The following MDGA2 variants were observed in gnomAD, a reference collection of about 807,000 sequenced individuals.
MDGA2 encodes the protein MAM domain-containing glycosylphosphatidylinositol anchor protein 2.
In MDGA2, 40 loss-of-function variants were observed where a neutral mutation model predicts 117.8. That is an observed-to-expected ratio of 0.34 (90% CI 0.26 to 0.44). The LOEUF (loss-of-function observed/expected upper bound fraction) is 0.44, where lower values mean the gene tolerates loss of function less well. MDGA2 is among the 20% of genes least tolerant of loss of function. The pLI is 1.00. For missense variants in MDGA2, 1,123 were observed against 1,250.6 expected (o/e 0.90, Z 1.54); for synonymous variants, 452 against 439.0 (o/e 1.03, Z -0.37).
In MDGA2 at chr14:46,874,092, T is replaced by C. The variant is rs1468226795; in HGVS notation, c.2546A>G (p.Tyr849Cys). The C allele has an allele frequency of 6.4e-7, 1 of 1,559,344 alleles. No homozygotes were observed. The highest frequency in any genetic ancestry group is 8.7e-7 in the Non-Finnish European group (1 of 1,154,858). The change falls in exon 13 of 17, where the codon TAT becomes TGT. Residue 849 changes from tyrosine (Y) to cysteine (C), a missense_variant. Tyr to Cys is a radical substitution (Grantham distance 194). This residue lies in a region of MDGA2 where 890 missense variants were observed against 1,050.3 expected (regional missense o/e 0.85). Transcript: ENST00000399232. Reference sequence around the variant, plus strand: ...AGCATTAGGTCCTGTATTAGGAGTATATTTTGTATTTCTTGTTGCTGTACT... The same window carrying C: ...AGCATTAGGTCCTGTATTAGGAGTACATTTTGTATTTCTTGTTGCTGTACT... ...KQSTATRNTK[Y>C]TPNTGPNADR...
At chr14:47,096,299 A>AT (rs1879962431) in intron 6 of MDGA2, among the ~76,000 whole-genome samples, 1 of 152,006 alleles carries the variant, frequency 6.6e-6, no homozygotes, top group African/African-American at 2.4e-5. Context: ...GTGGCTATAC[A>AT]TTTTTTAATT....
intron 1 of MDGA2, among the ~76,000 whole-genome samples, chr14:47,502,421 T>C (rs1276676792): frequency 6.6e-6 from 1 of 152,138 alleles, no homozygotes; most frequent in Non-Finnish European, 1.5e-5. Flanking sequence ...AGAACTAAAT[T>C]CTGTCTCATG....
At chr14:47,127,551 G>T (rs553912198) in intron 5 of MDGA2, among the ~76,000 whole-genome samples, 8 of 152,144 alleles carry the variant, frequency 5.3e-5, no homozygotes, top group Non-Finnish European at 1.2e-4. Flanking sequence ...ATAGGTACTA[G>T]TTTATATTTT....
chr14:47,611,531 C>G (rs1896848714), intron 1 of MDGA2, among the ~76,000 whole-genome samples: 1 of 151,794 alleles, frequency 6.6e-6, no homozygotes, highest in South Asian at 2.1e-4. Flanking sequence ...ACAATCCTAT[C>G]GAAAAGTTGG....
At chr14:47,402,867 C>G (rs1429823306) in intron 1 of MDGA2, among the ~76,000 whole-genome samples, 1 of 152,152 alleles carries the variant, frequency 6.6e-6, no homozygotes, top group Non-Finnish European at 1.5e-5. Flanking sequence ...GTTCCATTCA[C>G]AAAGAGTTTG....
intron 5 of MDGA2, among the ~76,000 whole-genome samples, chr14:47,100,376 G>C (rs941701630): frequency 6.6e-6 from 1 of 152,020 alleles, no homozygotes; most frequent in Non-Finnish European, 1.5e-5. Flanking sequence ...CATGAAGAAA[G>C]ATAAAGTTCA....
chr14:47,179,640 C>T (rs916640897), intron 3 of MDGA2, among the ~76,000 whole-genome samples: 10 of 151,856 alleles, frequency 6.6e-5, no homozygotes, highest in African/African-American at 2.4e-4. Flanking sequence ...TAATTATATA[C>T]ACATCACATA....
intron 2 of MDGA2, among the ~76,000 whole-genome samples, chr14:47,241,537 T>C (rs1887040992): frequency 6.6e-6 from 1 of 151,956 alleles, no homozygotes; most frequent in South Asian, 2.1e-4. Flanking sequence ...TTTAGTTGTT[T>C]GCTTTAGCAA....
At chr14:47,232,258 A>T (rs1886716687) in intron 2 of MDGA2, among the ~76,000 whole-genome samples, 1 of 152,000 alleles carries the variant, frequency 6.6e-6, no homozygotes, top group Non-Finnish European at 1.5e-5. Context: ...CAGATCCAAC[A>T]GTTTTAGGGC....
At chr14:47,117,013 T>A (rs972879592) in intron 5 of MDGA2, among the ~76,000 whole-genome samples, 5 of 151,798 alleles carry the variant, frequency 3.3e-5, no homozygotes, top group Admixed American at 2.0e-4. Context: ...ATATATCCAA[T>A]TGAGATTTCA....
At chr14:46,964,172 T>A (rs114074270) in intron 8 of MDGA2, among the ~76,000 whole-genome samples, 3 of 152,074 alleles carry the variant, frequency 2.0e-5, no homozygotes, top group Non-Finnish European at 4.4e-5. Context: ...AGAGACAATA[T>A]GGAGAAGGAG....
chr14:47,522,365 G>GTATATATGTGTA (rs1555329331), intron 1 of MDGA2, among the ~76,000 whole-genome samples: 108 of 117,754 alleles, frequency 9.2e-4, no homozygotes, highest in African/African-American at 2.8e-3. Context: ...GTATATATGT[G>GTATATATGTGTA]TATATATACA....
intron 3 of MDGA2, among the ~76,000 whole-genome samples, chr14:47,156,243 CAGA>C (rs913408302): frequency 2.6e-5 from 4 of 152,036 alleles, no homozygotes; most frequent in Non-Finnish European, 5.9e-5. Flanking sequence ...CCCTATTTTT[CAGA>C]AGGTTTTCAT....
rs1198881638 is a variant in MDGA2 at position 47,034,887 on chromosome 14, T to C, written c.1819+124A>G. On this transcript the variant is annotated intron_variant, in intron 8 of 16. Coordinates refer to ENST00000399232, the MANE Select transcript of MDGA2 (RefSeq NM_001113498.3). ...TGTAGAAATAGTTCATTCAATCCAA[T>C]GTAGAAATGTAGAAATAGTTCATTC... 9 of 804,026 alleles carry C rather than the reference T, an allele frequency of 1.1e-5. No individual in the cohort carries two copies. In the East Asian group the frequency reaches 1.5e-4, roughly 14 times the overall value. The allele number at this position is 804,026 out of a possible 1,614,324, so 49.8% of individuals were successfully genotyped here.
chr14:46,961,242 T>G (rs1885796553), intron 8 of MDGA2, among the ~76,000 whole-genome samples: 1 of 152,192 alleles, frequency 6.6e-6, no homozygotes. Context: ...ATCTGTTAAG[T>G]TTGGTGTCTT....
At chr14:47,489,583 A>G (rs906874853) in intron 1 of MDGA2, among the ~76,000 whole-genome samples, 2 of 152,102 alleles carry the variant, frequency 1.3e-5, no homozygotes, top group African/African-American at 4.8e-5. Context: ...TGATAATCCA[A>G]ACAGTAAATG....
At chr14:47,074,138 C>T (rs1289116191) in intron 6 of MDGA2, among the ~76,000 whole-genome samples, 1 of 61,444 alleles carries the variant, frequency 1.6e-5, no homozygotes, top group Admixed American at 1.5e-4. Flanking sequence ...TTAATTAAAA[C>T]AAAGCAACAA....
chr14:47,294,198 C>T (rs900266354), intron 2 of MDGA2, among the ~76,000 whole-genome samples: 2 of 149,164 alleles, frequency 1.3e-5, no homozygotes, highest in Non-Finnish European at 3.0e-5. Flanking sequence ...CAGGCTCAAG[C>T]AATCCTCCCA....
At chr14:47,171,557 T>G (rs1258325743) in intron 3 of MDGA2, among the ~76,000 whole-genome samples, 2 of 152,164 alleles carry the variant, frequency 1.3e-5, no homozygotes, top group African/African-American at 2.4e-5. Context: ...TTCTTATTGT[T>G]CAAAGGGAAG....
Sources: gnomAD v4.1 joint callset for allele counts (sites outside exome capture counted in the v4.1 genomes callset) on GRCh38, gnomAD v4.1.1 for gene constraint, gnomAD v4.1.1 regional missense constraint, MANE v1.5 for transcripts, NCBI Gene and HGNC (gene_info 2026-07-23, HGNC 2026-07-21) for gene names.